The following GIGYF2 variants were observed in gnomAD, a reference collection of about 807,000 sequenced individuals.
The protein encoded by GIGYF2 is GRB10 interacting GYF protein 2, also known as GRB10-interacting GYF protein 2.
A neutral mutation model predicts 208.1 loss-of-function variants in GIGYF2; 25 were observed. The ratio of observed to expected loss-of-function variants is 0.12; its 90% CI spans 0.09 to 0.17. GIGYF2 has a LOEUF of 0.17. Ranked by LOEUF, GIGYF2 falls within the 10% of genes least tolerant of loss-of-function variation. GIGYF2 has a pLI of 1.00. For synonymous variants in GIGYF2, 534 were observed against 543.8 expected (o/e 0.98, Z 0.25); for missense variants, 1,302 against 1,579.4 (o/e 0.82, Z 2.98).
chr2:232,707,468 A>G (rs1696171959), intron 2 of GIGYF2, among the ~76,000 whole-genome samples: 1 of 152,174 alleles, frequency 6.6e-6, no homozygotes, highest in Admixed American at 6.5e-5. Flanking sequence ...ACGGGCTCTC[A>G]TGATCAGTTT....
At chr2:232,764,601 A>G (rs1698876499) in intron 8 of GIGYF2, 1 of 152,260 alleles carries the variant, frequency 6.6e-6, no homozygotes. Flanking sequence ...ACTAATCATG[A>G]TCATGTGAGG....
chr2:232,758,683 A>T (rs993851069), intron 6 of GIGYF2, among the ~76,000 whole-genome samples: 3 of 152,146 alleles, frequency 2.0e-5, no homozygotes, highest in Non-Finnish European at 1.5e-5. Flanking sequence ...AAAATATTTT[A>T]TATGTGTTTT....
chr2:232,848,606 C>T (rs1559168924), intron 27 of GIGYF2, among the ~76,000 whole-genome samples: 1 of 152,096 alleles, frequency 6.6e-6, no homozygotes, highest in East Asian at 1.9e-4. Context: ...GCACTCCAGC[C>T]TGGGTGACAG....
rs368899682 is a variant in GIGYF2 at position 232,794,804 on chromosome 2, C to A, written c.1339C>A (p.Pro447Thr). The A allele has an allele frequency of 6.2e-7, 1 of 1,613,892 alleles. No homozygotes were observed. Among genetic ancestry groups the A allele is most frequent in the Non-Finnish European group, 8.5e-7 (1 of 1,179,824 alleles). Residue 447 changes from proline (P) to threonine (T), a missense_variant, in exon 13 of 29, where the codon CCT becomes ACT. Pro to Thr is a conservative substitution (Grantham distance 38). Around this residue, in one of 8 missense-constraint regions of GIGYF2, gnomAD observed 235 missense variants for 218.8 expected, o/e 1.07. Transcript: ENST00000373563. Reference sequence around the variant, plus strand: ...GCAGATTCCTTCAGATACAGCCTCTCCTCTTCTCATACTTCCACCTCCTGT... The same window carrying A: ...GCAGATTCCTTCAGATACAGCCTCTACTCTTCTCATACTTCCACCTCCTGT... Reference protein sequence around the residue: ...LSQIPSDTASPLLILPPPVPN... With the variant: ...LSQIPSDTASTLLILPPPVPN...
chr2:232,711,443 A>G (rs999413107), intron 2 of GIGYF2, among the ~76,000 whole-genome samples: 1 of 151,678 alleles, frequency 6.6e-6, no homozygotes, highest in African/African-American at 2.4e-5. Flanking sequence ...TATCATATCA[A>G]GAAATCTAAA....
chr2:232,724,246 C>G (rs1448013914), intron 2 of GIGYF2, among the ~76,000 whole-genome samples: 3 of 128,802 alleles, frequency 2.3e-5, no homozygotes, highest in Non-Finnish European at 4.8e-5. Context: ...TTAGTAGAGA[C>G]GGGGTTTCAC....
chr2:232,776,410 A>C (rs1559423269), intron 8 of GIGYF2: 4 of 1,570,668 alleles, frequency 2.5e-6, no homozygotes, highest in Non-Finnish European at 3.5e-6. Context: ...GTTTCCCATA[A>C]GGAAAGAAGA....
Position 232,707,479 on chromosome 2 carries a change from C to A in GIGYF2, c.-44+3990C>A, listed in dbSNP as rs902964558. Among the ~76,000 whole-genome samples, 18 of 152,108 alleles carry A rather than the reference C, an allele frequency of 1.2e-4. 1 individual carries two copies. On this transcript the variant is annotated intron_variant, in intron 2 of 28. Coordinates refer to ENST00000373563, the MANE Select transcript of GIGYF2 (RefSeq NM_001103146.3). Reference sequence around the variant, plus strand: ...ATCCACGGGCTCTCATGATCAGTTTCTTGGGAACTGATGTGTGGTGCTGCT... The same window carrying A: ...ATCCACGGGCTCTCATGATCAGTTTATTGGGAACTGATGTGTGGTGCTGCT...
chr2:232,752,269 C>T (rs1293794398), intron 5 of GIGYF2, among the ~76,000 whole-genome samples: 1 of 152,166 alleles, frequency 6.6e-6, no homozygotes, highest in Non-Finnish European at 1.5e-5. Context: ...TTGACTAGAT[C>T]TTCCTAGACT....
In GIGYF2 at chr2:232,796,263, A is replaced by G. The variant is rs533192158; in HGVS notation, c.1639+42A>G. ...TCCTTTAAATACTGAAGTGTGTGCC[A>G]TTACCTCCAGAATCTCTAAGAAGGG... On this transcript the variant is annotated intron_variant, in intron 14 of 28. Coordinates refer to ENST00000373563, the MANE Select transcript of GIGYF2 (RefSeq NM_001103146.3). The G allele has an allele frequency of 2.4e-6, 3 of 1,236,440 alleles. No homozygotes were observed. The African/African-American group carries it at 4.4e-5, about 18-fold the overall frequency. The allele number at this position is 1,236,440 out of a possible 1,614,324, so 76.6% of individuals were successfully genotyped here.
intron 1 of GIGYF2, among the ~76,000 whole-genome samples, chr2:232,699,040 A>G (rs1315699087): frequency 6.6e-6 from 1 of 152,224 alleles, no homozygotes; most frequent in Non-Finnish European, 1.5e-5. Context: ...AATAGGTAAA[A>G]TACTTGATGT....
intron 1 of GIGYF2, among the ~76,000 whole-genome samples, chr2:232,698,923 C>G (rs144759538): frequency 6.6e-6 from 1 of 152,134 alleles, no homozygotes; most frequent in Non-Finnish European, 1.5e-5. Context: ...TTCATACATT[C>G]ATTTATTTGA....
In GIGYF2 at chr2:232,765,928, T is replaced by G. The variant is rs142756645; in HGVS notation, c.532+4492T>G. 5.6e-4 allele frequency: 262 copies of G among 471,042 alleles called. 4 individuals carry two copies. Among genetic ancestry groups the G allele is most frequent in the African/African-American group, 4.5e-3 (225 of 50,186 alleles). The allele number at this position is 471,042 out of a possible 1,614,324, so 29.2% of individuals were successfully genotyped here. A position where few individuals can be genotyped will look rare whatever the true frequency, so the allele number is the denominator to read the frequency against. ...ACGTTTAAAGTTAGTTCCGAAGTAG[T>G]CTTCCTGATCATGTGTGCAAGACTT... On this transcript the variant is annotated intron_variant, in intron 8 of 28. Coordinates refer to ENST00000373563, the MANE Select transcript of GIGYF2 (RefSeq NM_001103146.3).
intron 2 of GIGYF2, among the ~76,000 whole-genome samples, chr2:232,715,565 T>C (rs929615133): frequency 1.3e-5 from 2 of 152,040 alleles, no homozygotes; most frequent in Non-Finnish European, 2.9e-5. Flanking sequence ...CCTTGGACTT[T>C]TGTTGGCTTT....
rs750509831 is a variant in GIGYF2 at position 232,812,483 on chromosome 2, A to T, written c.2099A>T (p.Gln700Leu). The T allele has an allele frequency of 1.5e-6, 2 of 1,366,114 alleles. No homozygotes were observed. The highest frequency in any genetic ancestry group is 2.1e-6 in the Non-Finnish European group (2 of 954,042). 84.6% of individuals were successfully genotyped at this position (1,366,114 alleles called of 1,614,324 possible). ...TGGGAGCTTCAGCCAACAGCTTCAC[A>T]GCCTACAGGTAAAAACTTAGATTAA... ...SIWELQPTAS[Q>L]PTVWEGGSVW... Residue 700 changes from glutamine (Q) to leucine (L), a missense_variant, in exon 18 of 29, where the codon CAG (glutamine) becomes CTG (leucine). By Grantham distance (113) the Gln-to-Leu change is moderately radical (BLOSUM62 -2). Coordinates refer to ENST00000373563, the MANE Select transcript of GIGYF2 (RefSeq NM_001103146.3).
Position 232,743,997 on chromosome 2 carries a change from C to T in GIGYF2, c.42-3618C>T, listed in dbSNP as rs1698059707. On this transcript the variant is annotated intron_variant, in intron 3 of 28. Coordinates refer to ENST00000373563, the MANE Select transcript of GIGYF2 (RefSeq NM_001103146.3). ...AATAGCTGGGACTACAGGCGTGCACCACCATGCTCTGCTAATTTTTTTTAT... is the reference window on the plus strand; with the variant it reads ...AATAGCTGGGACTACAGGCGTGCACTACCATGCTCTGCTAATTTTTTTTAT... 3.3e-5 allele frequency among the ~76,000 whole-genome samples: 5 copies of T among 152,230 alleles called. No homozygotes were observed. In the South Asian group the frequency reaches 1.0e-3, roughly 32 times the overall value.
intron 1 of GIGYF2, among the ~76,000 whole-genome samples, chr2:232,699,778 C>T (rs898833328): frequency 6.6e-6 from 1 of 152,072 alleles, no homozygotes; most frequent in Admixed American, 6.6e-5. Context: ...TCAAATTATC[C>T]TTAATCTGGT....
intron 8 of GIGYF2, 49 bp from the exon 9 acceptor site, chr2:232,787,101 C>T (rs1418643035): frequency 1.4e-6 from 2 of 1,388,596 alleles, no homozygotes; most frequent in South Asian, 1.2e-5. Flanking sequence ...TTTTCAAAGC[C>T]TATACTGGCA....
chr2:232,846,328 T>C (rs1201888830), intron 26 of GIGYF2, among the ~76,000 whole-genome samples: 1 of 152,226 alleles, frequency 6.6e-6, no homozygotes, highest in Non-Finnish European at 1.5e-5. Context: ...AGTACACTTA[T>C]TTTGTGTAAG....
Sources: allele counts gnomAD v4.1 joint callset (sites outside exome capture counted in the v4.1 genomes callset), GRCh38; gene constraint gnomAD v4.1.1; regional missense constraint gnomAD v4.1.1; transcripts MANE v1.5; gene names NCBI Gene and HGNC (gene_info 2026-07-23, HGNC 2026-07-21).